IPCEF1: variants seen among roughly 807,000 people sequenced by gnomAD.
IPCEF1 encodes interaction protein for cytohesin exchange factors 1.
A neutral mutation model predicts 50.9 loss-of-function variants in IPCEF1; 31 were observed. The observed-to-expected ratio is 0.61, with a 90% confidence interval of 0.46 to 0.82. IPCEF1 has a LOEUF of 0.82. Among genes scored for constraint, IPCEF1 ranks in the 40% least tolerant of loss-of-function variants. IPCEF1 has a pLI of 0.00. For missense variants in IPCEF1, 458 were observed against 514.0 expected (o/e 0.89, Z 1.05); for synonymous variants, 181 against 192.0 (o/e 0.94, Z 0.47).
intron 10 of IPCEF1, among the ~76,000 whole-genome samples, chr6:154,170,247 A>G (rs558478251): frequency 6.6e-6 from 1 of 152,092 alleles, no homozygotes; most frequent in East Asian, 1.9e-4. Context: ...CATACTCCTT[A>G]ATGTTTATAT....
chr6:154,185,286 A>G (rs1182835199), intron 10 of IPCEF1, among the ~76,000 whole-genome samples: 1 of 152,206 alleles, frequency 6.6e-6, no homozygotes, highest in Non-Finnish European at 1.5e-5. Flanking sequence ...GAGCTTAATG[A>G]CTGCCTAAGT....
At chr6:154,248,292 A>G (rs1781214603) in intron 3 of IPCEF1, among the ~76,000 whole-genome samples, 1 of 147,302 alleles carries the variant, frequency 6.8e-6, no homozygotes, top group African/African-American at 2.6e-5. Context: ...AATATTTTTA[A>G]GTGCTTTAAA....
chr6:154,326,354 A>T (rs1286605746), intron 1 of IPCEF1, among the ~76,000 whole-genome samples: 2 of 152,214 alleles, frequency 1.3e-5, no homozygotes, highest in Non-Finnish European at 1.5e-5. Flanking sequence ...TTAAGCTGAT[A>T]AGCAACTTCA....
intron 2 of IPCEF1, among the ~76,000 whole-genome samples, chr6:154,271,471 TA>T (rs889022300): frequency 1.3e-5 from 2 of 152,002 alleles, no homozygotes; most frequent in Non-Finnish European, 2.9e-5. Flanking sequence ...AGTTTACTTT[TA>T]AAAAAAATTA....
intron 5 of IPCEF1, among the ~76,000 whole-genome samples, chr6:154,243,259 C>T (rs1372142517): frequency 1.3e-5 from 2 of 152,132 alleles, no homozygotes; most frequent in Non-Finnish European, 2.9e-5. Context: ...CAAGGGAAAA[C>T]AAAACTGTGG....
chr6:154,302,643 G>A (rs1782826562), intron 1 of IPCEF1, among the ~76,000 whole-genome samples: 1 of 151,954 alleles, frequency 6.6e-6, no homozygotes, highest in South Asian at 2.1e-4. Flanking sequence ...CCTGGCTAAT[G>A]TTTATATTTT....
At chr6:154,283,461 G>A (rs1029910131) in intron 2 of IPCEF1, among the ~76,000 whole-genome samples, 4 of 151,610 alleles carry the variant, frequency 2.6e-5, no homozygotes, top group Non-Finnish European at 4.4e-5. Flanking sequence ...AGCCAGGTGC[G>A]GTGGTGGGCC....
chr6:154,190,330 AC>A (rs751236941), intron 10 of IPCEF1, among the ~76,000 whole-genome samples: 20 of 152,252 alleles, frequency 1.3e-4, no homozygotes, highest in Non-Finnish European at 2.8e-4. Flanking sequence ...GAAAGTATAT[AC>A]AAAAATTAAT....
chr6:154,180,410 A>ATT (rs1203931756), intron 10 of IPCEF1, among the ~76,000 whole-genome samples: 2,977 of 40,298 alleles, frequency 0.074, 72 homozygotes, highest in East Asian at 0.4. Context: ...ATATATATAT[A>ATT]TATATTTTTT....
intron 1 of IPCEF1, among the ~76,000 whole-genome samples, chr6:154,304,185 G>A (rs1216633969): frequency 6.6e-6 from 1 of 152,132 alleles, no homozygotes; most frequent in African/African-American, 2.4e-5. Context: ...TTGTGCCACT[G>A]CACTCCAGCC....
At chr6:154,317,933 C>A (rs1184935979) in intron 1 of IPCEF1, among the ~76,000 whole-genome samples, 1 of 152,036 alleles carries the variant, frequency 6.6e-6, no homozygotes, top group Non-Finnish European at 1.5e-5. Flanking sequence ...TGGAAACAAC[C>A]CAACTGTCCA....
chr6:154,213,607 C>G (rs370849815), intron 8 of IPCEF1, among the ~76,000 whole-genome samples: 3 of 152,108 alleles, frequency 2.0e-5, no homozygotes, highest in Non-Finnish European at 4.4e-5. Context: ...ATTTCCAAGG[C>G]CTTTTGTGGT....
intron 2 of IPCEF1, among the ~76,000 whole-genome samples, chr6:154,272,148 T>C (rs1583929984): frequency 6.6e-6 from 1 of 152,222 alleles, no homozygotes; most frequent in East Asian, 1.9e-4. Flanking sequence ...ACTCATAAGG[T>C]GTTTGTGAGA....
chr6:154,236,412 T>C (rs1780137915), intron 5 of IPCEF1, among the ~76,000 whole-genome samples: 1 of 152,168 alleles, frequency 6.6e-6, no homozygotes, highest in Non-Finnish European at 1.5e-5. Flanking sequence ...TGGAGACTTA[T>C]TATTTAATAG....
At chr6:154,242,521 C>T (rs1175212568) in intron 5 of IPCEF1, among the ~76,000 whole-genome samples, 1 of 152,120 alleles carries the variant, frequency 6.6e-6, no homozygotes, top group Admixed American at 6.5e-5. Flanking sequence ...TCTTCTCCTA[C>T]AGAAATGATC....
At chr6:154,289,472 C>CATAAATAA (rs554640830) in intron 2 of IPCEF1, among the ~76,000 whole-genome samples, 1 of 151,182 alleles carries the variant, frequency 6.6e-6, no homozygotes, top group African/African-American at 2.4e-5. Flanking sequence ...AAAATCAACC[C>CATAAATAA]ATAAATAAAT....
chr6:154,319,730 G>A (rs1013680166), intron 1 of IPCEF1, among the ~76,000 whole-genome samples: 1 of 152,154 alleles, frequency 6.6e-6, no homozygotes, highest in African/African-American at 2.4e-5. Context: ...AAGTGGCTCC[G>A]GGTGTGATAC....
intron 4 of IPCEF1, 67 bp downstream of exon 4, chr6:154,247,382 A>ACC: frequency 7.9e-7 from 1 of 1,268,374 alleles, no homozygotes; most frequent in Admixed American, 1.7e-5. Flanking sequence ...CAAGGAAGGC[A>ACC]CCCCGGAGAA....
chr6:154,199,647 A>T, intron 10 of IPCEF1, 21 bp downstream of exon 10: 1 of 1,563,926 alleles, frequency 6.4e-7, no homozygotes, highest in Non-Finnish European at 8.6e-7. Context: ...CTAACGAAGA[A>T]TAAATAATTT....
Sources: allele counts gnomAD v4.1 joint callset (sites outside exome capture counted in the v4.1 genomes callset), GRCh38; gene constraint gnomAD v4.1.1; transcripts MANE v1.5; gene names NCBI Gene and HGNC (gene_info 2026-07-23, HGNC 2026-07-21).